Variants in ABLIM1 observed in about 807,000 individuals in gnomAD.
ABLIM1 encodes actin binding LIM protein 1.
A neutral mutation model predicts 107.0 loss-of-function variants in ABLIM1; 40 were observed. The observed-to-expected ratio is 0.37, with a 90% CI of 0.29 to 0.49. ABLIM1 has a LOEUF of 0.49. Among genes scored for constraint, ABLIM1 ranks in the 20% least tolerant of loss-of-function variants. The pLI is 0.97. For missense variants in ABLIM1, 857 were observed against 1,008.5 expected (o/e 0.85, Z 2.04); for synonymous variants, 357 against 357.3 (o/e 1.00, Z 0.01).
chr10:114,622,487 T>G (rs942434115), intron 1 of ABLIM1, among the ~76,000 whole-genome samples: 16 of 152,238 alleles, frequency 1.1e-4, no homozygotes, highest in African/African-American at 2.9e-4. Context: ...GCTCAAGTGA[T>G]CTGCCTGCTT....
chr10:114,697,233 C>G (rs2081214440), intron 1 of ABLIM1, among the ~76,000 whole-genome samples: 1 of 152,240 alleles, frequency 6.6e-6, no homozygotes, highest in Non-Finnish European at 1.5e-5. Flanking sequence ...CCGCTCATCA[C>G]AGCTTAAGTA....
At chr10:114,556,237 G>A (rs751322095) in intron 4 of ABLIM1, among the ~76,000 whole-genome samples, 10 of 152,196 alleles carry the variant, frequency 6.6e-5, no homozygotes, top group Non-Finnish European at 1.5e-4. Context: ...CATTCTATCC[G>A]AAAGAGAAAG....
At chr10:114,578,413 T>TG (rs1024245780) in intron 2 of ABLIM1, among the ~76,000 whole-genome samples, 3 of 151,904 alleles carry the variant, frequency 2.0e-5, no homozygotes, top group African/African-American at 7.3e-5. Flanking sequence ...TCTGTTGTTT[T>TG]TTTTTTTTTT....
At chr10:114,438,491 A>C (rs772184590) in intron 21 of ABLIM1, among the ~76,000 whole-genome samples, 63 of 152,094 alleles carry the variant, frequency 4.1e-4, no homozygotes, top group Admixed American at 1.1e-3. Context: ...AAATTCCTGA[A>C]CTCAAGCCAT....
At chr10:114,440,354 A>G (rs967268486) in intron 19 of ABLIM1, among the ~76,000 whole-genome samples, 3 of 152,162 alleles carry the variant, frequency 2.0e-5, no homozygotes, top group African/African-American at 7.2e-5. Flanking sequence ...CCTTCTCTGC[A>G]TCTCTGATCC....
At chr10:114,635,211 C>T in intron 1 of ABLIM1, among the ~76,000 whole-genome samples, 1 of 152,212 alleles carries the variant, frequency 6.6e-6, no homozygotes, top group Non-Finnish European at 1.5e-5. Context: ...TTCACTTACA[C>T]ATAAAGCAAG....
At chr10:114,468,506 C>T (rs2065733626) in intron 10 of ABLIM1, among the ~76,000 whole-genome samples, 1 of 152,080 alleles carries the variant, frequency 6.6e-6, no homozygotes, top group Non-Finnish European at 1.5e-5. Context: ...TATCTTCTGA[C>T]CTCATGATCC....
intron 1 of ABLIM1, among the ~76,000 whole-genome samples, chr10:114,741,519 C>A (rs1382604840): frequency 2.0e-5 from 3 of 152,132 alleles, no homozygotes; most frequent in Non-Finnish European, 4.4e-5. Context: ...GCCACCTCGC[C>A]TGGCCAGCCT....
Position 114,436,124 on chromosome 10 carries a change from A to G in ABLIM1, c.*136T>C. 2 of 651,340 alleles carry G rather than the reference A, an allele frequency of 3.1e-6. No homozygotes were observed. Among genetic ancestry groups the G allele is most frequent in the Admixed American group, 2.9e-5 (1 of 34,652 alleles). 40.3% of individuals were successfully genotyped at this position (651,340 alleles called of 1,614,324 possible). On this transcript the variant is annotated 3_prime_UTR_variant, in exon 23 of 23. Transcript: ENST00000533213. ...CCGACATTTGACTCATGGTGTTTTA[A>G]CCAGACTTTCTCTTTTTGGTGTTGC...
intron 1 of ABLIM1, among the ~76,000 whole-genome samples, chr10:114,696,732 A>G (rs940372531): frequency 6.6e-5 from 10 of 152,186 alleles, no homozygotes; most frequent in African/African-American, 2.2e-4. Context: ...CCCCAGTCAC[A>G]TGGAACTGTG....
chr10:114,487,783 C>G (rs1386029452), intron 8 of ABLIM1, among the ~76,000 whole-genome samples, 175 bp downstream of exon 8: 2 of 152,116 alleles, frequency 1.3e-5, no homozygotes, highest in African/African-American at 4.8e-5. Context: ...AACCACAGTA[C>G]GTTTAAGGTA....
intron 12 of ABLIM1, among the ~76,000 whole-genome samples, chr10:114,464,184 A>ATTTT (rs1222001152): frequency 7.6e-6 from 1 of 131,386 alleles, no homozygotes; most frequent in Non-Finnish European, 1.6e-5. Flanking sequence ...AGCATAAAGG[A>ATTTT]TTTTTTTTTT....
intron 6 of ABLIM1, among the ~76,000 whole-genome samples, 187 bp downstream of exon 6, chr10:114,544,818 T>G (rs570894693): frequency 6.6e-6 from 1 of 152,166 alleles, no homozygotes; most frequent in Admixed American, 6.5e-5. Context: ...TCCATCATTC[T>G]AATTTCCACG....
At chr10:114,474,538 G>A (rs1321164484) in intron 8 of ABLIM1, among the ~76,000 whole-genome samples, 1 of 151,996 alleles carries the variant, frequency 6.6e-6, no homozygotes, top group Non-Finnish European at 1.5e-5. Flanking sequence ...CTGCCACCAT[G>A]CCCGGCTAAT....
the ABLIM1 span, among the ~76,000 whole-genome samples, chr10:114,786,323 T>C: frequency 6.6e-6 from 1 of 152,160 alleles, no homozygotes; most frequent in African/African-American, 2.4e-5. Context: ...CCATTTACAA[T>C]ATCATGAAAA....
intron 1 of ABLIM1, among the ~76,000 whole-genome samples, chr10:114,624,754 G>A (rs902167837): frequency 2.0e-5 from 3 of 151,856 alleles, no homozygotes; most frequent in African/African-American, 7.3e-5. Context: ...GGTGTTAGAG[G>A]GCAGGAGATT....
At chr10:114,598,115 T>C (rs1189559274) in intron 2 of ABLIM1, among the ~76,000 whole-genome samples, 1 of 151,516 alleles carries the variant, frequency 6.6e-6, no homozygotes, top group Non-Finnish European at 1.5e-5. Context: ...CTACAAATAA[T>C]ACAAAAAAAT....
At chr10:114,623,987 C>A (rs2077631748) in intron 1 of ABLIM1, among the ~76,000 whole-genome samples, 1 of 152,170 alleles carries the variant, frequency 6.6e-6, no homozygotes, top group Non-Finnish European at 1.5e-5. Flanking sequence ...AGAGGTCATG[C>A]ATAACAAATT....
At chr10:114,500,444 G>A (rs183863976) in intron 6 of ABLIM1, among the ~76,000 whole-genome samples, 2 of 152,170 alleles carry the variant, frequency 1.3e-5, no homozygotes, top group East Asian at 3.9e-4. Context: ...GTTTGTGCCT[G>A]TAACCCCAGC....
Sources: allele counts gnomAD v4.1 joint callset (sites outside exome capture counted in the v4.1 genomes callset), GRCh38; gene constraint gnomAD v4.1.1; transcripts MANE v1.5; gene names NCBI Gene and HGNC (gene_info 2026-07-23, HGNC 2026-07-21).